Variants in RORA observed in about 807,000 individuals in gnomAD.
RORA encodes nuclear receptor ROR-alpha.
A neutral mutation model predicts 69.5 loss-of-function variants in RORA; 7 were observed. That is an observed-to-expected ratio of 0.10 (90% CI 0.06 to 0.19). The LOEUF (loss-of-function observed/expected upper bound fraction) is 0.19, where lower values mean the gene tolerates loss of function less well. Among genes scored for constraint, RORA ranks in the 10% least tolerant of loss-of-function variants. The pLI, the probability that RORA is intolerant of heterozygous loss-of-function variation, is 1.00. For missense variants in RORA, 457 were observed against 663.0 expected (o/e 0.69, Z 3.41); for synonymous variants, 261 against 240.8 (o/e 1.08, Z -0.78).
intron 1 of RORA, among the ~76,000 whole-genome samples, chr15:61,170,524 ATCGCATGTGCAAGGTCGCTT>A (rs1193658718): frequency 6.6e-6 from 1 of 152,162 alleles, no homozygotes; most frequent in East Asian, 1.9e-4. Flanking sequence ...TCCTAACTGA[ATCGCATGTGCAAGGTCGCTT>A]TCCATGCAAG....
At chr15:60,601,304 T>A (rs1460834032) in intron 2 of RORA, among the ~76,000 whole-genome samples, 1 of 152,192 alleles carries the variant, frequency 6.6e-6, no homozygotes, top group East Asian at 1.9e-4. Context: ...TAGTAAATTA[T>A]TTAATTACTA....
At chr15:61,165,326 C>T (rs1296195518) in intron 1 of RORA, among the ~76,000 whole-genome samples, 1 of 152,208 alleles carries the variant, frequency 6.6e-6, no homozygotes, top group Non-Finnish European at 1.5e-5. Context: ...ATAGCCCCAT[C>T]TTCTCAACAG....
Position 60,534,704 on chromosome 15 carries a change from G to T in RORA, c.197-2853C>A, listed in dbSNP as rs964361508. 7.2e-5 allele frequency among the ~76,000 whole-genome samples: 11 copies of T among 152,214 alleles called. No homozygotes were observed. The highest frequency in any genetic ancestry group is 2.6e-4 in the African/African-American group (11 of 41,532). ...TCTCTTATCTCAGATGACAATTTCA[G>T]TTGCAAATGCACTTTAGGAAATGAC... On this transcript the variant is annotated intron_variant, in intron 2 of 10. Transcript: ENST00000335670. The surrounding 1 kb of genome is among the most constrained non-coding windows in gnomAD (Gnocchi z 5.0).
chr15:60,519,078 A>G (rs569176583), intron 3 of RORA, among the ~76,000 whole-genome samples: 4 of 152,252 alleles, frequency 2.6e-5, no homozygotes, highest in South Asian at 2.1e-4. Context: ...TATAAGTTCA[A>G]CTTTATCACA....
intron 1 of RORA, among the ~76,000 whole-genome samples, chr15:61,126,800 G>A (rs894059584): frequency 4.6e-5 from 7 of 152,164 alleles, no homozygotes; most frequent in Non-Finnish European, 8.8e-5. Context: ...CCTGCGATCA[G>A]CCCACGCTCT....
rs1595733326 is a variant in RORA at position 60,811,755 on chromosome 15, T to C, written c.167-133069A>G. 2.0e-5 allele frequency among the ~76,000 whole-genome samples: 3 copies of C among 152,206 alleles called. No homozygotes were observed. The East Asian group carries it at 5.8e-4, about 29-fold the overall frequency. ...GACTAGTCCATCTCTGCAGAACCGG[T>C]CCTGCCCAATGGATTTATAATCTGT... On this transcript the variant is annotated intron_variant, in intron 1 of 10. Transcript: ENST00000335670.
chr15:60,875,443 C>T (rs1435390791), intron 1 of RORA, among the ~76,000 whole-genome samples: 4 of 152,004 alleles, frequency 2.6e-5, no homozygotes, highest in African/African-American at 4.8e-5. Flanking sequence ...AGGATAGGAA[C>T]TCAGGCTCTG....
At chr15:60,720,966 G>C (rs1269031614) in intron 1 of RORA, among the ~76,000 whole-genome samples, 1 of 152,114 alleles carries the variant, frequency 6.6e-6, no homozygotes, top group African/African-American at 2.4e-5. Flanking sequence ...TGGTACTCTC[G>C]AACTTACTAC....
intron 1 of RORA, among the ~76,000 whole-genome samples, chr15:61,007,451 A>G (rs190653377): frequency 1.3e-5 from 2 of 152,258 alleles, no homozygotes; most frequent in South Asian, 2.1e-4. Context: ...ATTAAGAAAT[A>G]TATTTCTAAT....
chr15:61,117,291 A>G (rs1275772762), intron 1 of RORA, among the ~76,000 whole-genome samples: 2 of 152,126 alleles, frequency 1.3e-5, no homozygotes, highest in Non-Finnish European at 2.9e-5. Flanking sequence ...TAAATCCAAA[A>G]AAAAATCATT....
At chr15:60,574,227 C>T (rs886597370) in intron 2 of RORA, among the ~76,000 whole-genome samples, 1 of 152,140 alleles carries the variant, frequency 6.6e-6, no homozygotes, top group African/African-American at 2.4e-5. Flanking sequence ...CTCTGAGTCT[C>T]CGCTTCCTCC....
chr15:60,630,888 C>CTTTTTTTTT (rs542275787), intron 2 of RORA, among the ~76,000 whole-genome samples: 13,834 of 108,830 alleles, frequency 0.13, 1,654 homozygotes, highest in Non-Finnish European at 0.15. Context: ...ATGAGACTTT[C>CTTTTTTTTT]TTTTTTTTTT....
chr15:60,836,028 CT>C (rs1470303263), intron 1 of RORA, among the ~76,000 whole-genome samples: 1 of 152,210 alleles, frequency 6.6e-6, no homozygotes, highest in Admixed American at 6.5e-5. Context: ...TTACACTGAC[CT>C]CTTTTAGGGT....
Position 60,961,795 on chromosome 15 carries a change from A to G in RORA, c.166+267258T>C, listed in dbSNP as rs1460542424. On this transcript the variant is annotated intron_variant, in intron 1 of 10. Coordinates refer to ENST00000335670, the MANE Select transcript of RORA (RefSeq NM_134261.3). Reference sequence around the variant, plus strand: ...CTAACTTGATGGGCAGTGTAATGAGACACAGATTGTATAGCTGAATGTAGG... The same window carrying G: ...CTAACTTGATGGGCAGTGTAATGAGGCACAGATTGTATAGCTGAATGTAGG... Among the ~76,000 whole-genome samples, 3 of 152,218 alleles carry G rather than the reference A, an allele frequency of 2.0e-5. No individual in the cohort carries two copies. The East Asian group carries it at 5.8e-4, about 29-fold the overall frequency.
chr15:60,781,755 C>G (rs1276056778), intron 1 of RORA, among the ~76,000 whole-genome samples: 1 of 152,208 alleles, frequency 6.6e-6, no homozygotes, highest in Non-Finnish European at 1.5e-5. Context: ...AGAAAACAGA[C>G]TCTGACATCC....
intron 2 of RORA, among the ~76,000 whole-genome samples, chr15:60,576,679 CTA>C (rs1196613899): frequency 6.6e-6 from 1 of 152,210 alleles, no homozygotes; most frequent in Admixed American, 6.5e-5. Context: ...GTGCTGACAG[CTA>C]TCTGGGCAGA....
chr15:60,794,350 T>C (rs78648229), intron 1 of RORA, among the ~76,000 whole-genome samples: 3,186 of 152,352 alleles, frequency 0.021, 47 homozygotes, highest in Non-Finnish European at 0.032. Context: ...TTAATCTTCC[T>C]TTTTTAATTT....
At chr15:61,074,116 A>T (rs1040213173) in intron 1 of RORA, among the ~76,000 whole-genome samples, 3 of 152,218 alleles carry the variant, frequency 2.0e-5, no homozygotes, top group Non-Finnish European at 4.4e-5. Flanking sequence ...ATTATCATGA[A>T]GAGCAAAAAA....
chr15:60,858,268 G>A (rs2073401481), intron 1 of RORA, among the ~76,000 whole-genome samples: 1 of 152,160 alleles, frequency 6.6e-6, no homozygotes, highest in Non-Finnish European at 1.5e-5. Flanking sequence ...TTATTTGCCA[G>A]GATAGGTGGA....
Sources: allele counts gnomAD v4.1 joint callset (sites outside exome capture counted in the v4.1 genomes callset), GRCh38; gene constraint gnomAD v4.1.1; non-coding constraint Gnocchi (gnomAD v3.1); transcripts MANE v1.5; gene names NCBI Gene and HGNC (gene_info 2026-07-23, HGNC 2026-07-21).